Variants in FREM1 observed in about 807,000 individuals in gnomAD.
FREM1 encodes the protein FRAS1-related extracellular matrix protein 1.
In FREM1, 220 loss-of-function variants were observed where a neutral mutation model predicts 210.1. The observed-to-expected ratio is 1.05, with a 90% CI of 0.94 to 1.17. The LOEUF is 1.17. Ranked by LOEUF, FREM1 falls within the 50% of genes most tolerant of loss-of-function variation. FREM1 has a pLI of 0.00. For synonymous variants in FREM1, 1,189 were observed against 980.2 expected, an observed-to-expected ratio of 1.21 and a Z score of -3.98; for missense variants, 3,454 against 2,675.5, an observed-to-expected ratio of 1.29 and a Z score of -6.42.
intron 10 of FREM1, among the ~76,000 whole-genome samples, chr9:14,833,759 C>A (rs1824012347): frequency 6.6e-6 from 1 of 152,106 alleles, no homozygotes; most frequent in East Asian, 1.9e-4. Flanking sequence ...TTATGTTTTT[C>A]TTTTTTTGGA....
At chr9:14,882,790 T>G (rs1449108975) in intron 1 of FREM1, among the ~76,000 whole-genome samples, 1 of 150,682 alleles carries the variant, frequency 6.6e-6, no homozygotes. Flanking sequence ...TGAACATACT[T>G]TCCTCTTTCA....
At chr9:14,872,384 G>A (rs10961763) in intron 1 of FREM1, among the ~76,000 whole-genome samples, 23,934 of 151,668 alleles carry the variant, frequency 0.16, 2,442 homozygotes, top group East Asian at 0.56. Flanking sequence ...GGTCCTTCAG[G>A]TCCCTTGTAA....
intron 11 of FREM1, among the ~76,000 whole-genome samples, 156 bp from the exon 12 acceptor site, chr9:14,824,271 A>G (rs890899516): frequency 3.3e-5 from 5 of 152,194 alleles, no homozygotes; most frequent in African/African-American, 1.2e-4. Context: ...TCTAGCATTA[A>G]GTCCAGTTTC....
intron 1 of FREM1, among the ~76,000 whole-genome samples, chr9:14,900,860 T>C (rs2132597523): frequency 6.6e-6 from 1 of 152,320 alleles, no homozygotes; most frequent in South Asian, 2.1e-4. Flanking sequence ...GATTCTTTGG[T>C]AGGAGGACTC....
At chr9:14,864,199 G>T (rs184956481) in intron 2 of FREM1, among the ~76,000 whole-genome samples, 3 of 152,272 alleles carry the variant, frequency 2.0e-5, no homozygotes, top group Admixed American at 2.0e-4. Flanking sequence ...ACCACCTAGA[G>T]TGCATTTAAA....
chr9:14,774,076 T>C, intron 25 of FREM1: 1 of 518,902 alleles, frequency 1.9e-6, no homozygotes, highest in South Asian at 1.4e-5. Context: ...GTGTTCACGA[T>C]GTCAATATCT....
At chr9:14,815,423 G>A (rs780569358) in intron 15 of FREM1, among the ~76,000 whole-genome samples, 1 of 152,116 alleles carries the variant, frequency 6.6e-6, no homozygotes, top group Non-Finnish European at 1.5e-5. Flanking sequence ...TACCAATATA[G>A]TAATGAGTTC....
intron 23 of FREM1, among the ~76,000 whole-genome samples, chr9:14,787,636 G>A (rs1308987077): frequency 6.6e-6 from 1 of 152,046 alleles, no homozygotes; most frequent in African/African-American, 2.4e-5. Flanking sequence ...TGACTCTAAG[G>A]CCTTCAGAAT....
intron 19 of FREM1, 111 bp from the exon 20 acceptor site, chr9:14,801,985 G>A: frequency 1.3e-6 from 1 of 753,224 alleles, no homozygotes; most frequent in South Asian, 2.0e-5. Flanking sequence ...AATTTTCTAT[G>A]AGATTTATAT....
chr9:14,820,271 A>G (rs1821044244), intron 13 of FREM1, among the ~76,000 whole-genome samples: 1 of 152,208 alleles, frequency 6.6e-6, no homozygotes, highest in Non-Finnish European at 1.5e-5. Flanking sequence ...AACTTTGTTT[A>G]ACCTATCATT....
intron 13 of FREM1, among the ~76,000 whole-genome samples, chr9:14,820,755 C>T (rs1488367168): frequency 6.6e-6 from 1 of 152,174 alleles, no homozygotes. Flanking sequence ...CTACAACTAC[C>T]CCCACCCTGA....
chr9:14,879,866 G>C (rs1050564494), intron 1 of FREM1, among the ~76,000 whole-genome samples: 1 of 152,126 alleles, frequency 6.6e-6, no homozygotes, highest in Admixed American at 6.5e-5. Context: ...TTAGGTTGTT[G>C]GTAGGTACAA....
intron 27 of FREM1, among the ~76,000 whole-genome samples, chr9:14,765,052 A>G (rs1293007167): frequency 1.3e-5 from 2 of 152,216 alleles, no homozygotes; most frequent in African/African-American, 4.8e-5. Flanking sequence ...TTCTCAGCAA[A>G]AGGTTTACAG....
intron 16 of FREM1, among the ~76,000 whole-genome samples, 162 bp from the exon 17 acceptor site, chr9:14,808,296 T>C (rs1006291965): frequency 1.3e-5 from 2 of 152,210 alleles, no homozygotes; most frequent in African/African-American, 2.4e-5. Flanking sequence ...AAATTAAATA[T>C]AGTCATGAAA....
rs906397688 is a variant in FREM1 at position 14,824,727 on chromosome 9, T to A, written c.2078+69A>T. 159 of 937,796 alleles carry A rather than the reference T, an allele frequency of 1.7e-4. 1 individual carries two copies. In the South Asian group the frequency reaches 2.0e-3, roughly 12 times the overall value. 58.1% of individuals were successfully genotyped at this position (937,796 alleles called of 1,614,324 possible). On this transcript the variant is annotated intron_variant, in intron 11 of 36. Transcript: ENST00000380880. ...ACCACAGTACTATATATATATATATTGCTCTATATTGACACTTTCAACTTT... is the reference window on the plus strand; with the variant it reads ...ACCACAGTACTATATATATATATATAGCTCTATATTGACACTTTCAACTTT...
chr9:14,805,746 T>G (rs994698529), intron 18 of FREM1, among the ~76,000 whole-genome samples: 2 of 152,252 alleles, frequency 1.3e-5, no homozygotes, highest in African/African-American at 4.8e-5. Context: ...TCTTTCATAT[T>G]TAAAATGGAC....
chr9:14,883,384 G>A (rs1030524323), intron 1 of FREM1, among the ~76,000 whole-genome samples: 1 of 152,096 alleles, frequency 6.6e-6, no homozygotes, highest in South Asian at 2.1e-4. Context: ...AAAAGGGTAT[G>A]CTTTGTTTGG....
chr9:14,865,698 T>C lies in FREM1; in HGVS notation c.235-1795A>G, dbSNP rs866214361. Among the ~76,000 whole-genome samples the C allele has an allele frequency of 1.5e-4, 22 of 150,638 alleles. No individual in the cohort carries two copies. The South Asian group carries it at 2.7e-3, about 19-fold the overall frequency. On this transcript the variant is annotated intron_variant, in intron 2 of 36. Transcript: ENST00000380880. ...GTGTGTGTGTGTGTGTGTGTGTGTG[T>C]GCACATGCACTTAGCTATGCTTAAT...
intron 3 of FREM1, among the ~76,000 whole-genome samples, chr9:14,860,818 CAT>C (rs1341183975): frequency 6.2e-5 from 3 of 48,086 alleles, no homozygotes; most frequent in Admixed American, 2.3e-4. Flanking sequence ...CATATATACA[CAT>C]ATATACATAT....
Sources: allele counts gnomAD v4.1 joint callset (sites outside exome capture counted in the v4.1 genomes callset), GRCh38; gene constraint gnomAD v4.1.1; transcripts MANE v1.5; gene names NCBI Gene and HGNC (gene_info 2026-07-23, HGNC 2026-07-21).